Variants in ENOX1 observed in about 807,000 individuals in gnomAD.
ENOX1 encodes the protein ecto-NOX disulfide-thiol exchanger 1.
Under a neutral mutation model 82.5 loss-of-function variants are expected in ENOX1, and 42 were observed. The observed-to-expected ratio is 0.51, with a 90% CI of 0.40 to 0.66. The LOEUF is 0.66. Ranked by LOEUF, ENOX1 falls within the 30% of genes least tolerant of loss-of-function variation. ENOX1 has a pLI of 0.00. For synonymous variants in ENOX1, 271 were observed against 282.2 expected, an observed-to-expected ratio of 0.96 and a Z score of 0.40; for missense variants, 608 against 811.6, an observed-to-expected ratio of 0.75 and a Z score of 3.05.
chr13:43,761,782 A>G (rs1950992037), intron 1 of ENOX1, among the ~76,000 whole-genome samples: 2 of 152,310 alleles, frequency 1.3e-5, no homozygotes, highest in African/African-American at 2.4e-5. Flanking sequence ...TCCAATTAGT[A>G]AAATATTACA....
At chr13:43,426,657 C>T (rs1199761017) in intron 3 of ENOX1, among the ~76,000 whole-genome samples, 1 of 152,126 alleles carries the variant, frequency 6.6e-6, no homozygotes, top group Non-Finnish European at 1.5e-5. Context: ...AGTGCAGTGT[C>T]TGAAGTGAGG....
chr13:43,309,232 G>A (rs1317523482), intron 11 of ENOX1, among the ~76,000 whole-genome samples: 4 of 152,160 alleles, frequency 2.6e-5, no homozygotes, highest in South Asian at 2.1e-4. Flanking sequence ...ATGCTGGCCA[G>A]GCTGGTCTGG....
intron 5 of ENOX1, among the ~76,000 whole-genome samples, chr13:43,395,805 C>T (rs1160526685): frequency 1.3e-5 from 2 of 152,176 alleles, no homozygotes; most frequent in African/African-American, 4.8e-5. Context: ...TCAAAGAAGC[C>T]CATGCCACGT....
chr13:43,347,083 C>T (rs886223228), intron 8 of ENOX1, among the ~76,000 whole-genome samples: 4 of 152,026 alleles, frequency 2.6e-5, no homozygotes, highest in African/African-American at 7.3e-5. Context: ...TGCTTGTGGT[C>T]GCTTAGTTCA....
chr13:43,554,522 G>A (rs972660140), intron 2 of ENOX1, among the ~76,000 whole-genome samples: 5 of 152,150 alleles, frequency 3.3e-5, no homozygotes, highest in African/African-American at 1.2e-4. Flanking sequence ...CAGAAGACTT[G>A]TGTAGCCAGT....
intron 3 of ENOX1, among the ~76,000 whole-genome samples, chr13:43,419,120 G>A (rs1488829221): frequency 3.9e-5 from 6 of 152,098 alleles, no homozygotes; most frequent in Admixed American, 1.3e-4. Context: ...AGGTATCAGC[G>A]ATGCACACAT....
chr13:43,221,596 A>C (rs901701807), intron 16 of ENOX1, among the ~76,000 whole-genome samples: 2 of 152,188 alleles, frequency 1.3e-5, no homozygotes, highest in African/African-American at 2.4e-5. Context: ...GGTGAATGAG[A>C]GTGGGTAATT....
At chr13:43,474,158 T>G (rs558057782) in intron 3 of ENOX1, among the ~76,000 whole-genome samples, 1 of 152,134 alleles carries the variant, frequency 6.6e-6, no homozygotes, top group African/African-American at 2.4e-5. Flanking sequence ...GCAAAACTCA[T>G]AGGGGAAAAT....
chr13:43,447,232 G>C (rs1357191608), intron 3 of ENOX1, among the ~76,000 whole-genome samples: 1 of 152,132 alleles, frequency 6.6e-6, no homozygotes. Context: ...ATATCCCAAG[G>C]GCCCAGCACA....
At chr13:43,376,333 T>C (rs570369896) in intron 5 of ENOX1, among the ~76,000 whole-genome samples, 135 of 152,328 alleles carry the variant, frequency 8.9e-4, no homozygotes, top group African/African-American at 3.2e-3. Context: ...ATTGGATGTA[T>C]GAAGTGTGTA....
chr13:43,628,510 G>A (rs950954601), intron 2 of ENOX1, among the ~76,000 whole-genome samples: 3 of 152,082 alleles, frequency 2.0e-5, no homozygotes, highest in Middle Eastern at 3.4e-3. Flanking sequence ...TTCTATTTTT[G>A]CATTTATTTC....
intron 1 of ENOX1, among the ~76,000 whole-genome samples, chr13:43,715,051 G>A (rs1429412367): frequency 6.6e-6 from 1 of 152,134 alleles, no homozygotes; most frequent in East Asian, 1.9e-4. Flanking sequence ...GCTGGTACCG[G>A]TTGTTCCTTT....
chr13:43,763,924 T>C (rs991001720), intron 1 of ENOX1, among the ~76,000 whole-genome samples: 13 of 152,194 alleles, frequency 8.5e-5, no homozygotes, highest in Non-Finnish European at 1.5e-4. Flanking sequence ...CACAGATATA[T>C]AAGATTCATA....
intron 9 of ENOX1, among the ~76,000 whole-genome samples, chr13:43,343,550 T>C (rs1474923715): frequency 6.6e-6 from 1 of 152,242 alleles, no homozygotes; most frequent in African/African-American, 2.4e-5. Flanking sequence ...AAGATACTTT[T>C]ACATTTAAGA....
intron 2 of ENOX1, among the ~76,000 whole-genome samples, chr13:43,603,701 T>C (rs1445224875): frequency 7.6e-6 from 1 of 130,752 alleles, no homozygotes; most frequent in Non-Finnish European, 1.5e-5. Context: ...TCCATGTCCC[T>C]ACAAAGGACA....
At chr13:43,247,883 ATTTTTTTTTTTT>A (rs869265102) in intron 14 of ENOX1, among the ~76,000 whole-genome samples, 1 of 14,648 alleles carries the variant, frequency 6.8e-5, no homozygotes, top group Non-Finnish European at 1.8e-4. Flanking sequence ...ATATATATAT[ATTTTTTTTTTTT>A]TTTTTTTTGA....
At chr13:43,380,513 GAATA>G (rs1255287048) in intron 5 of ENOX1, among the ~76,000 whole-genome samples, 1 of 151,424 alleles carries the variant, frequency 6.6e-6, no homozygotes, top group African/African-American at 2.4e-5. Flanking sequence ...ATAAAAAACA[GAATA>G]AATAAAATCA....
At chr13:43,659,461 G>T (rs2084610148) in intron 2 of ENOX1, among the ~76,000 whole-genome samples, 1 of 151,836 alleles carries the variant, frequency 6.6e-6, no homozygotes, top group South Asian at 2.1e-4. Context: ...CTGTACTCCA[G>T]CCTGGACGAC....
intron 2 of ENOX1, among the ~76,000 whole-genome samples, chr13:43,625,910 AATTAGT>A (rs1209995264): frequency 6.6e-6 from 1 of 151,926 alleles, no homozygotes; most frequent in Non-Finnish European, 1.5e-5. Flanking sequence ...GACTCTGTAG[AATTAGT>A]ATTAATTATT....
Sources: allele counts gnomAD v4.1 joint callset (sites outside exome capture counted in the v4.1 genomes callset), GRCh38; gene constraint gnomAD v4.1.1; transcripts MANE v1.5; gene names NCBI Gene and HGNC (gene_info 2026-07-23, HGNC 2026-07-21).